HMCN1: variants seen among roughly 807,000 people sequenced by gnomAD.
HMCN1 encodes the protein hemicentin 1, also known as hemicentin-1.
In HMCN1, 321 loss-of-function variants were observed where a neutral mutation model predicts 625.9. The observed-to-expected ratio is 0.51, with a 90% CI of 0.47 to 0.56. The LOEUF (loss-of-function observed/expected upper bound fraction) is 0.56, where lower values mean the gene tolerates loss of function less well. Ranked by LOEUF, HMCN1 falls within the 20% of genes least tolerant of loss-of-function variation. The pLI is 0.00. For synonymous variants in HMCN1, 2,425 were observed against 2,417.6 expected (o/e 1.00, Z -0.09); for missense variants, 6,588 against 6,887.3 (o/e 0.96, Z 1.54).
chr1:186,109,276 T>C (rs996162576), intron 71 of HMCN1, among the ~76,000 whole-genome samples: 3 of 152,218 alleles, frequency 2.0e-5, no homozygotes, highest in Non-Finnish European at 4.4e-5. Context: ...AAAAGGAGAT[T>C]ATGTCCCCTA....
chr1:185,758,532 A>T (rs1338823836), intron 1 of HMCN1, among the ~76,000 whole-genome samples: 2 of 152,154 alleles, frequency 1.3e-5, no homozygotes, highest in Non-Finnish European at 2.9e-5. Context: ...GCCACTTGGG[A>T]GGCTGAGGTG....
At chr1:186,105,861 T>C (rs1416412711) in intron 69 of HMCN1, among the ~76,000 whole-genome samples, 2 of 152,016 alleles carry the variant, frequency 1.3e-5, no homozygotes, top group African/African-American at 4.8e-5. Context: ...ATGAACAGAG[T>C]TGGGAGAGAA....
At chr1:185,783,915 C>A (rs1472905245) in intron 1 of HMCN1, among the ~76,000 whole-genome samples, 2 of 152,198 alleles carry the variant, frequency 1.3e-5, no homozygotes, top group Non-Finnish European at 2.9e-5. Context: ...TTTCTGCTGT[C>A]TTTTGTTCAG....
intron 30 of HMCN1, 104 bp from the exon 31 acceptor site, chr1:186,015,055 T>C: frequency 9.7e-7 from 1 of 1,031,628 alleles, no homozygotes. Context: ...CCTAATTGTC[T>C]TTAATTTACT....
In HMCN1 at chr1:185,970,426, C is replaced by A. The variant is rs373154967; in HGVS notation, c.2304C>A (p.Gly768=). 1 of 1,613,418 alleles carries A rather than the reference C, an allele frequency of 6.2e-7. No homozygotes were observed. The highest frequency in any genetic ancestry group is 8.5e-7 in the Non-Finnish European group (1 of 1,179,402). ...AAGAAACACAAGATCTGGATGCTGG[C>A]GATTATACCTGTGTAGCCATCAATG... ...KIQETQDLDA[G]DYTCVAINEA... The change falls in exon 15 of 107, where the codon GGC becomes GGA. Residue 768 remains glycine (G), a synonymous_variant. Coordinates refer to ENST00000271588, the MANE Select transcript of HMCN1 (RefSeq NM_031935.3).
rs368227896 is a variant in HMCN1, at chr1:186,088,114, TTTTG to T, written c.9446-11_9446-8del. 574 of 1,600,946 alleles carry T rather than the reference TTTTG, an allele frequency of 3.6e-4. 1 individual carries two copies. Among genetic ancestry groups the T allele is most frequent in the Admixed American group, 6.0e-4 (35 of 58,262 alleles). On this transcript the variant is annotated intron_variant, in intron 61 of 106. Coordinates refer to ENST00000271588, the MANE Select transcript of HMCN1 (RefSeq NM_031935.3). ...GAGGACAAATGATTTTCTTCTGTTT[TTTTG>T]TTTGTTTGTTTGTTTGTTTTTTACA...
At chr1:185,988,921 C>T (rs1342728616) in intron 20 of HMCN1, among the ~76,000 whole-genome samples, 2 of 151,916 alleles carry the variant, frequency 1.3e-5, no homozygotes, top group South Asian at 4.1e-4. Flanking sequence ...CTGTACCATC[C>T]TTATCATTGC....
intron 2 of HMCN1, among the ~76,000 whole-genome samples, chr1:185,859,810 C>T (rs960672193): frequency 1.3e-5 from 2 of 152,090 alleles, no homozygotes; most frequent in East Asian, 1.9e-4. Flanking sequence ...GGACTAGGCA[C>T]ATGTTGCCAT....
chr1:185,926,981 C>T (rs185789781), intron 9 of HMCN1, among the ~76,000 whole-genome samples: 1 of 152,146 alleles, frequency 6.6e-6, no homozygotes, highest in Non-Finnish European at 1.5e-5. Flanking sequence ...TGTAACATTT[C>T]ATCATCAAGA....
intron 4 of HMCN1, among the ~76,000 whole-genome samples, chr1:185,900,367 A>G (rs1472060944): frequency 6.6e-6 from 1 of 152,066 alleles, no homozygotes; most frequent in African/African-American, 2.4e-5. Flanking sequence ...TAATGTTACC[A>G]GTAAAATCCA....
intron 69 of HMCN1, among the ~76,000 whole-genome samples, chr1:186,106,515 G>A (rs956042977): frequency 1.3e-5 from 2 of 152,022 alleles, no homozygotes; most frequent in Non-Finnish European, 2.9e-5. Context: ...CTTGAGAAAG[G>A]CTTCGTTTTA....
chr1:185,845,500 C>T (rs1264945134), intron 1 of HMCN1, among the ~76,000 whole-genome samples: 3 of 152,186 alleles, frequency 2.0e-5, no homozygotes, highest in East Asian at 1.9e-4. Flanking sequence ...AGATTACAGG[C>T]GTGAGCCACC....
intron 16 of HMCN1, 28 bp from the exon 17 acceptor site, chr1:185,980,950 G>A (rs771722139): frequency 1.6e-6 from 2 of 1,277,722 alleles, no homozygotes; most frequent in Non-Finnish European, 2.3e-6. Flanking sequence ...AGATGGTATT[G>A]GATGAGTAAA....
rs534346952 is a variant in HMCN1, at chr1:185,817,919, A to G, written c.269-28107A>G. The stretch of plus-strand genomic sequence containing the variant: ...ATACTTTTAGTCCTTTACAGCTACT[A>G]TGCTTTCTCTCAGATTGGTGCTTTT... On this transcript the variant is annotated intron_variant, in intron 1 of 106. Coordinates refer to ENST00000271588, the MANE Select transcript of HMCN1 (RefSeq NM_031935.3). 3.9e-5 allele frequency among the ~76,000 whole-genome samples: 6 copies of G among 152,246 alleles called. No individual in the cohort carries two copies. In the East Asian group the frequency reaches 5.8e-4, roughly 15 times the overall value.
chr1:185,933,887 G>C, intron 11 of HMCN1, 63 bp downstream of exon 11: 2 of 1,473,280 alleles, frequency 1.4e-6, no homozygotes, highest in South Asian at 1.1e-5. Context: ...TAAAATTTTT[G>C]TCCTCCCAAG....
chr1:186,055,698 G>A, intron 45 of HMCN1, 24 bp downstream of exon 45: 1 of 1,609,768 alleles, frequency 6.2e-7, no homozygotes, highest in Non-Finnish European at 8.5e-7. Context: ...GGCTCAATAT[G>A]TCCATTCACT....
chr1:185,821,416 G>A (rs946567461), intron 1 of HMCN1, among the ~76,000 whole-genome samples: 9 of 152,090 alleles, frequency 5.9e-5, no homozygotes, highest in Middle Eastern at 3.4e-3. Context: ...ACTCATACTC[G>A]TATTCTGTCA....
At chr1:186,141,239 T>C (rs1428804025) in intron 89 of HMCN1, among the ~76,000 whole-genome samples, 1 of 152,148 alleles carries the variant, frequency 6.6e-6, no homozygotes, top group Non-Finnish European at 1.5e-5. Flanking sequence ...TAAATACAGA[T>C]GAAGCTTTGC....
chr1:185,927,924 C>T (rs1667357550), intron 9 of HMCN1, among the ~76,000 whole-genome samples: 1 of 151,822 alleles, frequency 6.6e-6, no homozygotes, highest in Non-Finnish European at 1.5e-5. Context: ...TGTTAGAGGG[C>T]AAATAATAAA....
Sources: allele counts gnomAD v4.1 joint callset (sites outside exome capture counted in the v4.1 genomes callset), GRCh38; gene constraint gnomAD v4.1.1; transcripts MANE v1.5; gene names NCBI Gene and HGNC (gene_info 2026-07-23, HGNC 2026-07-21).